The following SCN4A variants were observed in gnomAD, a reference collection of about 807,000 sequenced individuals.
SCN4A encodes the protein sodium voltage-gated channel alpha subunit 4, also known as sodium channel protein type 4 subunit alpha.
Under a neutral mutation model 162.0 loss-of-function variants are expected in SCN4A, and 83 were observed. The observed-to-expected ratio is 0.51, with a 90% CI of 0.43 to 0.61. The LOEUF (loss-of-function observed/expected upper bound fraction) is 0.61, where lower values mean the gene tolerates loss of function less well. Among genes scored for constraint, SCN4A ranks in the 20% least tolerant of loss-of-function variants. SCN4A has a pLI of 0.00. For synonymous variants in SCN4A, 944 were observed against 985.1 expected, an observed-to-expected ratio of 0.96 and a Z score of 0.78; for missense variants, 2,196 against 2,462.5, an observed-to-expected ratio of 0.89 and a Z score of 2.29.
At position 63,972,182 on chromosome 17, in the gene SCN4A, C is replaced by T. The variant is rs367988986; in HGVS notation, c.436G>A (p.Val146Ile). 131 of 1,613,616 alleles carry T rather than the reference C, an allele frequency of 8.1e-5. No homozygotes were observed. The highest frequency in any genetic ancestry group is 7.3e-4 in the African/African-American group (55 of 75,026). ...FIMITILTNCVFMTMSDPPPW... is the reference protein window; with the variant it reads ...FIMITILTNCIFMTMSDPPPW... ...GGCGGGTCACTCATGGTCATGAATACGCAGTTGGTCAAGATGGTGATCATG... is the reference window on the plus strand; with the variant it reads ...GGCGGGTCACTCATGGTCATGAATATGCAGTTGGTCAAGATGGTGATCATG... Residue 146 changes from valine (V) to isoleucine (I), a missense_variant, in exon 3 of 24, where the codon GTA (valine) becomes ATA (isoleucine). By Grantham distance (29) the Val-to-Ile change is conservative. Coordinates refer to ENST00000435607, the MANE Select transcript of SCN4A (RefSeq NM_000334.4). This position sits in a 1 kb window ranked among gnomAD's most constrained non-coding sequence, Gnocchi z 4.3.
rs377277110 is a variant in SCN4A, at chr17:63,948,760, C to T, written c.2995G>A (p.Val999Met). The T allele has an allele frequency of 9.3e-5, 150 of 1,604,894 alleles. No homozygotes were observed. In the African/African-American group the frequency reaches 1.0e-3, roughly 11 times the overall value. Residue 999 changes from valine (V) to methionine (M), a missense_variant, in exon 16 of 24, where the codon GTG becomes ATG. Coordinates refer to ENST00000435607, the MANE Select transcript of SCN4A (RefSeq NM_000334.4). Reference protein sequence around the residue: ...QPEECFTEACVQRWPCLYVDI... With the variant: ...QPEECFTEACMQRWPCLYVDI... Reference sequence around the variant, plus strand: ...ACGTAGAGGCAGGGCCAGCGCTGCACGCAGGCTGATGGGGTGAGGGGGGAC... The same window carrying T: ...ACGTAGAGGCAGGGCCAGCGCTGCATGCAGGCTGATGGGGTGAGGGGGGAC...
chr17:63,961,170 T>TTCCCC, intron 11 of SCN4A, 23 bp downstream of exon 11: 2 of 1,016,008 alleles, frequency 2.0e-6, no homozygotes, highest in South Asian at 1.3e-5. Flanking sequence ...CCATGAATGA[T>TTCCCC]CCCCTCCCCC....
Position 63,945,761 on chromosome 17 carries a change from G to A in SCN4A, c.3442-123C>T. 1 of 1,042,618 alleles carries A rather than the reference G, an allele frequency of 9.6e-7. No homozygotes were observed. Among genetic ancestry groups the A allele is most frequent in the Non-Finnish European group, 1.4e-6 (1 of 694,946 alleles). The allele number at this position is 1,042,618 out of a possible 1,614,324, so 64.6% of individuals were successfully genotyped here. On this transcript the variant is annotated intron_variant, in intron 18 of 23. Coordinates refer to ENST00000435607, the MANE Select transcript of SCN4A (RefSeq NM_000334.4). The surrounding 1 kb of genome is among the most constrained non-coding windows in gnomAD (Gnocchi z 4.4). ...TGTCAATTAGGGAGGGCTTCCTAGA[G>A]GAGGGCCGACCTGCTGGGCTGTGTG...
chr17:63,956,110 C>T (rs116561462), intron 13 of SCN4A, among the ~76,000 whole-genome samples: 4,658 of 152,348 alleles, frequency 0.031, 238 homozygotes, highest in African/African-American at 0.11. Flanking sequence ...TGGACCATGG[C>T]CCTATACCCT....
chr17:63,959,045 G>T (rs994157678), intron 12 of SCN4A, among the ~76,000 whole-genome samples: 53 of 152,112 alleles, frequency 3.5e-4, no homozygotes, highest in Admixed American at 3.5e-3. Context: ...TCTGTCACTT[G>T]GGTCCCCCCA....
At position 63,956,279 on chromosome 17, in the gene SCN4A, C is replaced by T. The variant is rs58966350; in HGVS notation, c.2376+883G>A. Among the ~76,000 whole-genome samples the T allele has an allele frequency of 4.7e-4, 72 of 152,286 alleles. 1 individual carries two copies. The highest frequency in any genetic ancestry group is 1.2e-3 in the African/African-American group (48 of 41,540). On this transcript the variant is annotated intron_variant, in intron 13 of 23. Coordinates refer to ENST00000435607, the MANE Select transcript of SCN4A (RefSeq NM_000334.4). ...TTCTAGAGATGGGGTCTTGCTCTGC[C>T]CCCCCATGCTGGAGTGCAGTGGCAG...
At chr17:63,959,787 C>T (rs1233968232) in intron 11 of SCN4A, among the ~76,000 whole-genome samples, 1 of 152,164 alleles carries the variant, frequency 6.6e-6, no homozygotes, top group East Asian at 1.9e-4. Context: ...CACTGGTATC[C>T]TGATCTCTAC....
intron 9 of SCN4A, among the ~76,000 whole-genome samples, chr17:63,964,260 C>A (rs1301140453): frequency 6.6e-6 from 1 of 152,220 alleles, no homozygotes; most frequent in Non-Finnish European, 1.5e-5. Flanking sequence ...AGGCACAGAG[C>A]AGAGAAATGC....
rs781515976 is a variant in SCN4A at position 63,940,856 on chromosome 17, GGCATCA to G, written c.5420_5425del (p.Leu1807_Met1808del). 101 of 1,612,282 alleles carry G rather than the reference GGCATCA, an allele frequency of 6.3e-5. No individual in the cohort carries two copies. In the African/African-American group the frequency reaches 1.2e-3, roughly 19 times the overall value. The stretch of plus-strand genomic sequence containing the variant: ...CCAGGCAGTGTCTGAGGGGCTGATG[GGCATCA>G]GCCCCATAGTGGGTCCGGCGTCCCC... On this transcript the variant is annotated inframe_deletion, in exon 24 of 24. Transcript: ENST00000435607.
rs752159625 is a variant in SCN4A, at chr17:63,951,684, C to T, written c.2593G>A (p.Gly865Arg). Residue 865 changes from glycine (G) to arginine (R), a missense_variant, in exon 14 of 24, where the codon GGG becomes AGG. By Grantham distance (125) the Gly-to-Arg change is moderately radical (BLOSUM62 -2). Transcript: ENST00000435607. The surrounding 1 kb of genome is among the most constrained non-coding windows in gnomAD (Gnocchi z 4.5). ...GTCTCCCCCGCCTCTCCAGCCTCCC[C>T]GGCCCCGTCAGCCTCCCCGAGGCTG... ...MLSLGEADGA[G>R]EAGEAGETAP... 4.0e-5 allele frequency: 64 copies of T among 1,603,132 alleles called. No homozygotes were observed. In the Middle Eastern group the frequency reaches 8.2e-4, roughly 21 times the overall value.
At position 63,961,340 on chromosome 17, in the gene SCN4A, C is replaced by T; in HGVS notation, c.1698G>A (p.Lys566=). The stretch of plus-strand genomic sequence containing the variant: ...CGATCAGGTGGATGATGTTCTTGAA[C>T]TTCAGCCACGGGGCGCAGCAGTTCC... ...LIWNCCAPWL[K]FKNIIHLIVM... is the part of the protein sequence containing the mutation. The change falls in exon 11 of 24, where the codon AAG becomes AAA. Residue 566 remains lysine, a synonymous_variant. Transcript: ENST00000435607. 6.2e-7 allele frequency: 1 copy of T among 1,613,900 alleles called. No homozygotes were observed. Among genetic ancestry groups the T allele is most frequent in the Non-Finnish European group, 8.5e-7 (1 of 1,179,846 alleles).
rs756574543 is a variant in SCN4A at position 63,964,554 on chromosome 17, C to A, written c.1366G>T (p.Ala456Ser). 1 of 1,614,056 alleles carries A rather than the reference C, an allele frequency of 6.2e-7. No homozygotes were observed. The highest frequency in any genetic ancestry group is 8.5e-7 in the Non-Finnish European group (1 of 1,179,902). The change falls in exon 9 of 24, where the codon GCC becomes TCC. Residue 456 changes from alanine to serine, a missense_variant. By Grantham distance (99) the Ala-to-Ser change is moderately conservative. Transcript: ENST00000435607. ...VAMAYAEQNE[A>S]TLAEDKEKEE... Reference sequence around the variant, plus strand: ...TTCTCCTTATCCTCGGCCAGGGTGGCCTCATTCTGCTCGGCATATGCCATG... The same window carrying A: ...TTCTCCTTATCCTCGGCCAGGGTGGACTCATTCTGCTCGGCATATGCCATG...
intron 12 of SCN4A, 127 bp downstream of exon 12, chr17:63,959,138 A>T (rs1909163792): frequency 1.4e-6 from 1 of 735,962 alleles, no homozygotes; most frequent in Admixed American, 2.7e-5. Flanking sequence ...GGTGTGCACA[A>T]GGCAGAGGAG....
At position 63,941,904 on chromosome 17, in the gene SCN4A, G is replaced by T. The variant is rs368256039; in HGVS notation, c.4378C>A (p.Arg1460=). The change falls in exon 24 of 24, where the codon CGG becomes AGG. Residue 1460 remains arginine, a synonymous_variant. Coordinates refer to ENST00000435607, the MANE Select transcript of SCN4A (RefSeq NM_000334.4). This position sits in a 1 kb window ranked among gnomAD's most constrained non-coding sequence, Gnocchi z 6.2. ...ATGCCCTTGGCCCCGCGGATCAGCC[G>T]CAGGACACGCCCAATCCGCGCCAGG... ...IRLARIGRVL[R]LIRGAKGIRT... is the part of the protein sequence containing the mutation. 1.2e-6 allele frequency: 2 copies of T among 1,612,890 alleles called. No individual in the cohort carries two copies. Among genetic ancestry groups the T allele is most frequent in the Non-Finnish European group, 1.7e-6 (2 of 1,179,054 alleles).
chr17:63,945,353 C>T lies in SCN4A; in HGVS notation c.3720+7G>A, dbSNP rs553870552. 28 of 1,605,216 alleles carry T rather than the reference C, an allele frequency of 1.7e-5. No individual in the cohort carries two copies. In the Admixed American group the frequency reaches 2.3e-4, roughly 13 times the overall value. On this transcript the variant is annotated splice_region_variant and intron_variant, in intron 19 of 23. Coordinates refer to ENST00000435607, the MANE Select transcript of SCN4A (RefSeq NM_000334.4). This position sits in a 1 kb window ranked among gnomAD's most constrained non-coding sequence, Gnocchi z 4.4. ...GGTTCCCGGCAGGGGTGGTGGGTCA[C>T]ACTCACCACCTGCAGGAGGGAGAGG...
intron 13 of SCN4A, among the ~76,000 whole-genome samples, 153 bp from the exon 14 acceptor site, chr17:63,952,053 C>A (rs758088245): frequency 1.3e-5 from 2 of 152,148 alleles, no homozygotes; most frequent in Non-Finnish European, 2.9e-5. Flanking sequence ...CACAACTGCT[C>A]ATGGAGGTGA....
Position 63,972,332 on chromosome 17 carries a change from T to G in SCN4A, c.392+20A>C. 6.2e-7 allele frequency: 1 copy of G among 1,609,638 alleles called. No individual in the cohort carries two copies. Among genetic ancestry groups the G allele is most frequent in the Non-Finnish European group, 8.5e-7 (1 of 1,176,558 alleles). ...GCCCATCCCTAACCCCTCCCGCCTC[T>G]CCCATCTTGGGCAGGATATGCATGG... On this transcript the variant is annotated intron_variant, in intron 2 of 23. Coordinates refer to ENST00000435607, the MANE Select transcript of SCN4A (RefSeq NM_000334.4). This position sits in a 1 kb window ranked among gnomAD's most constrained non-coding sequence, Gnocchi z 4.3.
rs1462779354 is a variant in SCN4A at position 63,959,313 on chromosome 17, T to C, written c.1971A>G (p.Leu657=). 1 of 1,613,944 alleles carries C rather than the reference T, an allele frequency of 6.2e-7. No individual in the cohort carries two copies. The stretch of plus-strand genomic sequence containing the variant: ...ACAGTCCCTGTACGTTGGCCAGGCC[T>C]AGCTCTACCAGGCTGAGGGTGACGA... ...SIIVTLSLVE[L]GLANVQGLSV... Residue 657 remains leucine, a synonymous_variant, in exon 12 of 24, where the codon CTA becomes CTG. Coordinates refer to ENST00000435607, the MANE Select transcript of SCN4A (RefSeq NM_000334.4).
chr17:63,942,893 C>T lies in SCN4A; in HGVS notation c.4221G>A (p.Leu1407=). The T allele has an allele frequency of 6.2e-7, 1 of 1,614,062 alleles. No individual in the cohort carries two copies. The highest frequency in any genetic ancestry group is 1.6e-4 in the Middle Eastern group (1 of 6,062). ...TGECVLKMLA[L]RQYYFTVGWN... ...AGCCAACGGTGAAGTAGTACTGGCG[C>T]AGGGCGAGCATCTTGAGCACGCACT... The change falls in exon 23 of 24, where the codon CTG becomes CTA. Residue 1407 remains leucine, a synonymous_variant. Coordinates refer to ENST00000435607, the MANE Select transcript of SCN4A (RefSeq NM_000334.4).
Sources: allele counts gnomAD v4.1 joint callset (sites outside exome capture counted in the v4.1 genomes callset), GRCh38; gene constraint gnomAD v4.1.1; non-coding constraint Gnocchi (gnomAD v3.1); transcripts MANE v1.5; gene names NCBI Gene and HGNC (gene_info 2026-07-23, HGNC 2026-07-21).